ADGRL2: variants seen among roughly 807,000 people sequenced by gnomAD.
The protein encoded by ADGRL2 is calcium-independent alpha-latrotoxin receptor 2.
In ADGRL2, 44 loss-of-function variants were observed where a neutral mutation model predicts 157.4. The ratio of observed to expected loss-of-function variants is 0.28; its 90% confidence interval spans 0.22 to 0.36. ADGRL2 has a LOEUF of 0.36. Ranked by LOEUF, ADGRL2 falls within the 10% of genes least tolerant of loss-of-function variation. The pLI is 1.00. For missense variants in ADGRL2, 1,510 were observed against 1,768.9 expected, an observed-to-expected ratio of 0.85 and a Z score of 2.63; for synonymous variants, 585 against 624.7, an observed-to-expected ratio of 0.94 and a Z score of 0.95.
At chr1:81,357,440 A>C (rs889533460) in intron 1 of ADGRL2, among the ~76,000 whole-genome samples, 2 of 152,134 alleles carry the variant, frequency 1.3e-5, no homozygotes, top group Admixed American at 6.6e-5. Flanking sequence ...AAAGTCATTC[A>C]TCTTCACTCT....
intron 3 of ADGRL2, 98 bp downstream of exon 3, chr1:81,907,328 C>A: frequency 1.0e-6 from 1 of 968,850 alleles, no homozygotes. Context: ...GACCACATCC[C>A]AGCCTATTTA....
chr1:81,915,806 A>T (rs1460234263), intron 3 of ADGRL2, among the ~76,000 whole-genome samples: 1 of 152,170 alleles, frequency 6.6e-6, no homozygotes. Flanking sequence ...ATAGACGTGA[A>T]CGTGAACATT....
chr1:81,325,444 C>T (rs1002827600), intron 1 of ADGRL2, among the ~76,000 whole-genome samples: 2 of 152,176 alleles, frequency 1.3e-5, no homozygotes, highest in Admixed American at 6.5e-5. Flanking sequence ...AAGATTCTCT[C>T]GTAGGTCACT....
chr1:81,376,975 C>A (rs760474246), intron 1 of ADGRL2, among the ~76,000 whole-genome samples: 5 of 152,080 alleles, frequency 3.3e-5, no homozygotes, highest in Non-Finnish European at 7.4e-5. Flanking sequence ...TCACTTGAGT[C>A]CAGGAGTTTT....
chr1:81,736,634 A>G (rs1373482511), intron 1 of ADGRL2, among the ~76,000 whole-genome samples: 1 of 152,136 alleles, frequency 6.6e-6, no homozygotes, highest in African/African-American at 2.4e-5. Flanking sequence ...CCAGATCTCT[A>G]TGCCTTATAA....
chr1:81,710,251 C>T (rs757997275), intron 1 of ADGRL2, among the ~76,000 whole-genome samples: 11 of 152,114 alleles, frequency 7.2e-5, no homozygotes, highest in Admixed American at 2.6e-4. Flanking sequence ...GAAAGATGAA[C>T]AGTGCTGCCT....
intron 3 of ADGRL2, among the ~76,000 whole-genome samples, chr1:81,685,775 C>A (rs1347529201): frequency 6.6e-6 from 1 of 152,146 alleles, no homozygotes; most frequent in African/African-American, 2.4e-5. Context: ...GTGGGTTTGA[C>A]ACAGATTGCT....
intron 1 of ADGRL2, among the ~76,000 whole-genome samples, chr1:81,755,646 C>T (rs114738418): frequency 2.0e-5 from 3 of 152,208 alleles, no homozygotes; most frequent in Non-Finnish European, 4.4e-5. Flanking sequence ...TAATTGAGCA[C>T]CAAATCTATG....
intron 2 of ADGRL2, among the ~76,000 whole-genome samples, chr1:81,566,662 G>A (rs2080569654): frequency 1.3e-5 from 2 of 152,018 alleles, no homozygotes; most frequent in South Asian, 4.1e-4. Context: ...TCTTCCCTCT[G>A]CTCCAGGCAA....
At chr1:81,526,549 C>T (rs1475594133) in intron 2 of ADGRL2, among the ~76,000 whole-genome samples, 1 of 152,130 alleles carries the variant, frequency 6.6e-6, no homozygotes, top group Admixed American at 6.5e-5. Flanking sequence ...AAAGAAATTA[C>T]TTTGAATGTA....
At chr1:81,797,601 C>T (rs1235159815), upstream of ADGRL2, among the ~76,000 whole-genome samples, 1 of 152,122 alleles carries the variant, frequency 6.6e-6, no homozygotes, top group African/African-American at 2.4e-5. Flanking sequence ...CATTTTCATA[C>T]TATTTCAGAT....
chr1:81,433,535 A>C (rs2077359228), intron 1 of ADGRL2, among the ~76,000 whole-genome samples: 1 of 152,126 alleles, frequency 6.6e-6, no homozygotes, highest in African/African-American at 2.4e-5. Context: ...AGCTGATCTT[A>C]CTCTAGGGTT....
intron 1 of ADGRL2, among the ~76,000 whole-genome samples, chr1:81,401,449 G>A (rs550776505): frequency 6.6e-6 from 1 of 152,322 alleles, no homozygotes; most frequent in African/African-American, 2.4e-5. Flanking sequence ...GTGGAGGCCA[G>A]GTACTTCCTT....
intron 1 of ADGRL2, chr1:81,721,655 G>A (rs1217545385): frequency 1.1e-6 from 1 of 938,416 alleles, no homozygotes; most frequent in African/African-American, 1.6e-5. Context: ...CCTGGAACCG[G>A]GCTGCAGCTC....
intron 3 of ADGRL2, among the ~76,000 whole-genome samples, chr1:81,689,891 G>A (rs1171530961): frequency 2.6e-5 from 4 of 152,016 alleles, no homozygotes; most frequent in African/African-American, 7.3e-5. Context: ...TTTTCACAAC[G>A]CCCTCTCATT....
intron 3 of ADGRL2, among the ~76,000 whole-genome samples, chr1:81,615,675 G>A (rs2081629996): frequency 6.6e-6 from 1 of 152,186 alleles, no homozygotes; most frequent in African/African-American, 2.4e-5. Context: ...TCTAGATTTT[G>A]CTTTTCCATT....
intron 1 of ADGRL2, among the ~76,000 whole-genome samples, chr1:81,410,863 A>G (rs2076934299): frequency 1.3e-5 from 2 of 152,198 alleles, no homozygotes; most frequent in South Asian, 2.1e-4. Context: ...GTCACTTTGT[A>G]TGTGTATTCC....
At chr1:81,647,180 T>C (rs2082330349) in intron 3 of ADGRL2, among the ~76,000 whole-genome samples, 1 of 152,238 alleles carries the variant, frequency 6.6e-6, no homozygotes, top group African/African-American at 2.4e-5. Flanking sequence ...ATAATCTGCC[T>C]TCATCCTTTG....
chr1:81,656,952 A>G (rs1389873413), intron 3 of ADGRL2, among the ~76,000 whole-genome samples: 1 of 149,132 alleles, frequency 6.7e-6, no homozygotes, highest in Non-Finnish European at 1.5e-5. Context: ...CGAGGTTACC[A>G]TGAGCCATGA....
Sources: allele counts gnomAD v4.1 joint callset (sites outside exome capture counted in the v4.1 genomes callset), GRCh38; gene constraint gnomAD v4.1.1; transcripts MANE v1.5; gene names NCBI Gene and HGNC (gene_info 2026-07-23, HGNC 2026-07-21).